ZNF300: variants seen among roughly 807,000 people sequenced by gnomAD.
ZNF300 encodes zinc finger protein 300, also known as kruppel-like zinc finger protein.
Under a neutral mutation model 13.9 loss-of-function variants are expected in ZNF300, and 6 were observed. The observed-to-expected ratio is 0.43, with a 90% CI of 0.24 to 0.85. The LOEUF (loss-of-function observed/expected upper bound fraction) is 0.85. Ranked by LOEUF, ZNF300 falls within the 40% of genes least tolerant of loss-of-function variation. The probability of loss-of-function intolerance (pLI) is 0.25; values close to 1 mark genes in which losing one functional copy is unlikely to be tolerated. For synonymous variants in ZNF300, 237 were observed against 242.2 expected (o/e 0.98, Z 0.20); for missense variants, 662 against 714.2 (o/e 0.93, Z 0.83).
Position 150,895,582 on chromosome 5 carries a change from C to T in ZNF300, c.1657G>A (p.Glu553Lys), listed in dbSNP as rs942904034. 3 of 1,613,414 alleles carry T rather than the reference C, an allele frequency of 1.9e-6. No homozygotes were observed. The highest frequency in any genetic ancestry group is 3.3e-5 in the Admixed American group (2 of 59,814). ...TTCTGAGAAAAGGCCTTTCCACATT[C>T]AGCACATATGTAAGGTTTCTCTCCT... ...HTGEKPYICA[E>K]CGKAFSQKSD... Residue 553 changes from glutamate (E) to lysine (K), a missense_variant, in exon 6 of 6, where the codon GAA becomes AAA. Physicochemically the swap from Glu to Lys is moderately conservative, Grantham distance 56. Transcript: ENST00000274599.
chr5:150,902,346 TGAGA>T (rs1755020492), intron 3 of ZNF300, among the ~76,000 whole-genome samples: 1 of 152,202 alleles, frequency 6.6e-6, no homozygotes, highest in Non-Finnish European at 1.5e-5. Context: ...ATGGCTTTTT[TGAGA>T]GAAATACATA....
intron 3 of ZNF300, among the ~76,000 whole-genome samples, chr5:150,899,971 C>G (rs1474875123): frequency 6.6e-6 from 1 of 152,064 alleles, no homozygotes; most frequent in African/African-American, 2.4e-5. Context: ...TCAGTCATCT[C>G]AAATCTCAAG....
Position 150,896,012 on chromosome 5 carries a change from A to G in ZNF300, c.1227T>C (p.Tyr409=). 2 of 1,613,476 alleles carry G rather than the reference A, an allele frequency of 1.2e-6. No individual in the cohort carries two copies. The highest frequency in any genetic ancestry group is 1.7e-6 in the Non-Finnish European group (2 of 1,179,762). Residue 409 remains tyrosine, a synonymous_variant, in exon 6 of 6, where the codon TAT becomes TAC. Transcript: ENST00000274599. ...HHRAHTGEKP[Y]ECTECGKAFC... ...AGGCTTTCCCACATTCGGTACACTC[A>G]TACGGCTTCTCTCCAGTATGAGCTC...
At chr5:150,897,804 T>C (rs1754847287) in intron 5 of ZNF300, 2 of 414,762 alleles carry the variant, frequency 4.8e-6, no homozygotes, top group Non-Finnish European at 4.2e-6. Flanking sequence ...AAAGCACAGC[T>C]TGTGTTCTTG....
intron 3 of ZNF300, among the ~76,000 whole-genome samples, chr5:150,899,088 AAG>A (rs920744757): frequency 1.3e-5 from 2 of 152,070 alleles, no homozygotes; most frequent in African/African-American, 4.8e-5. Flanking sequence ...AAAGAGAAAA[AAG>A]AAGATAGTTA....
rs763622160 is a variant in ZNF300, at chr5:150,896,651, T to A, written c.588A>T (p.Pro196=). 1.9e-6 allele frequency: 3 copies of A among 1,613,546 alleles called. No individual in the cohort carries two copies. The highest frequency in any genetic ancestry group is 2.5e-6 in the Non-Finnish European group (3 of 1,179,776). ...KYDAFKKNLK[P]NIDLPSCYKS... ...TATAACAACTCGGTAGGTCAATATT[T>A]GGTTTTAAGTTCTTTTTAAAAGCAT... is the stretch of plus-strand genomic sequence containing the variant. The change falls in exon 6 of 6, where the codon CCA becomes CCT. Residue 196 remains proline (P), a synonymous_variant. Coordinates refer to ENST00000274599, the MANE Select transcript of ZNF300 (RefSeq NM_052860.4).
chr5:150,896,007 CACTCATACG>C lies in ZNF300; in HGVS notation c.1223_1231del (p.Pro408_Cys411delinsArg). On this transcript the variant is annotated inframe_deletion, in exon 6 of 6. Transcript: ENST00000274599. ...ACAGAAGGCTTTCCCACATTCGGTA[CACTCATACG>C]GCTTCTCTCCAGTATGAGCTCTGTG... is the stretch of plus-strand genomic sequence containing the variant. 1 of 1,613,496 alleles carries C rather than the reference CACTCATACG, an allele frequency of 6.2e-7. No individual in the cohort carries two copies. Among genetic ancestry groups the C allele is most frequent in the Non-Finnish European group, 8.5e-7 (1 of 1,179,768 alleles).
Position 150,896,842 on chromosome 5 carries a change from G to A in ZNF300, c.397C>T (p.Gln133Ter). The A allele has an allele frequency of 6.2e-7, 1 of 1,613,700 alleles. No individual in the cohort carries two copies. Among genetic ancestry groups the A allele is most frequent in the Non-Finnish European group, 8.5e-7 (1 of 1,179,748 alleles). ...TGATTCTCTAGAAATCTCTGCAGCT[G>A]ACCATCACCTTGACAGACTTTTAAA... is the stretch of plus-strand genomic sequence containing the variant. ...SILKVCQGDG[Q>*]LQRFLENQDK... Residue 133 changes from glutamine to a stop codon, truncating the protein, a stop_gained, in exon 6 of 6, where the codon CAG (glutamine) becomes TAG (stop). Coordinates refer to ENST00000274599, the MANE Select transcript of ZNF300 (RefSeq NM_052860.4). LOFTEE classifies it low-confidence loss of function (END_TRUNC).
Position 150,898,046 on chromosome 5 carries a change from T to C in ZNF300, c.265+16A>G, listed in dbSNP as rs1277100174. 6.2e-7 allele frequency: 1 copy of C among 1,604,320 alleles called. No homozygotes were observed. Among genetic ancestry groups the C allele is most frequent in the South Asian group, 1.1e-5 (1 of 89,010 alleles). The stretch of plus-strand genomic sequence containing the variant: ...CACCAATCAATTAAAAAAACATAAA[T>C]TGATATTTCACTTCCCTTGTCTCCC... On this transcript the variant is annotated intron_variant, in intron 5 of 5. Coordinates refer to ENST00000274599, the MANE Select transcript of ZNF300 (RefSeq NM_052860.4).
Position 150,896,577 on chromosome 5 carries a change from G to C in ZNF300, c.662C>G (p.Ser221Ter), listed in dbSNP as rs748302675. 2.5e-6 allele frequency: 4 copies of C among 1,613,664 alleles called. No individual in the cohort carries two copies. The South Asian group carries it at 4.4e-5, about 18-fold the overall frequency. The change falls in exon 6 of 6, where the codon TCA becomes TGA. Residue 221 changes from serine to a stop codon, truncating the protein, a stop_gained. Coordinates refer to ENST00000274599, the MANE Select transcript of ZNF300 (RefSeq NM_052860.4). LOFTEE classifies it low-confidence loss of function (END_TRUNC). ...KPDQSFGGGK[S>*]SSQSEPNSNL... ...AGAATTGGGCTCACTCTGGCTAGAT[G>C]ATTTTCCACCTCCAAAACTCTGATC...
intron 3 of ZNF300, among the ~76,000 whole-genome samples, chr5:150,901,860 GAT>G (rs1048662529): frequency 1.3e-5 from 2 of 152,044 alleles, no homozygotes; most frequent in African/African-American, 4.8e-5. Context: ...TATGGAAAAA[GAT>G]ATTCTAAGTG....
At chr5:150,903,312 GGTT>G (rs774729959) in intron 2 of ZNF300, 130 bp from the exon 3 acceptor site, 2 of 1,573,392 alleles carry the variant, frequency 1.3e-6, no homozygotes, top group South Asian at 2.3e-5. Flanking sequence ...TGTGGGATAA[GGTT>G]GTTTGAGCCT....
chr5:150,897,991 T>C, intron 5 of ZNF300, 71 bp downstream of exon 5: 1 of 1,528,420 alleles, frequency 6.5e-7, no homozygotes, highest in Admixed American at 2.1e-5. Flanking sequence ...AATAGGAGAT[T>C]TTGATAAGGA....
In ZNF300 at chr5:150,896,116, G is replaced by GTATT. The variant is rs1262685413; in HGVS notation, c.1119_1122dup (p.His375AsnfsTer9). The GTATT allele has an allele frequency of 6.2e-7, 1 of 1,613,230 alleles. No individual in the cohort carries two copies. Among genetic ancestry groups the GTATT allele is most frequent in the Non-Finnish European group, 8.5e-7 (1 of 1,179,726 alleles). ...CATTCATAGGGTTTTTCCCCAGTAT[G>GTATT]TATTCTCTGATGTATAATGAGGGGT... is the stretch of plus-strand genomic sequence containing the variant. On this transcript the variant is annotated frameshift_variant, in exon 6 of 6. Coordinates refer to ENST00000274599, the MANE Select transcript of ZNF300 (RefSeq NM_052860.4). LOFTEE classifies it low-confidence loss of function (END_TRUNC).
In ZNF300 at chr5:150,896,935, A is replaced by G. The variant is rs146644574; in HGVS notation, c.304T>C (p.Leu102=). 1.6e-3 allele frequency: 2,517 copies of G among 1,613,100 alleles called. 4 individuals carry two copies. Among genetic ancestry groups the G allele is most frequent in the Non-Finnish European group, 2.0e-3 (2,417 of 1,179,512 alleles). The part of the protein sequence containing the change: ...SNLHNSQSCI[L]GTVSFHHKIL... Reference sequence around the variant, plus strand: ...TTATGATGGAAGGAAACTGTCCCCAAAATACATGACTGGGAGTTGTGAAGG... The same window carrying G: ...TTATGATGGAAGGAAACTGTCCCCAGAATACATGACTGGGAGTTGTGAAGG... The change falls in exon 6 of 6, where the codon TTG becomes CTG. Residue 102 remains leucine (L), a synonymous_variant. Transcript: ENST00000274599.
chr5:150,897,412 A>G (rs573166363), intron 5 of ZNF300: 1 of 156,750 alleles, frequency 6.4e-6, no homozygotes, highest in East Asian at 1.9e-4. Flanking sequence ...CAACTAACAA[A>G]TAATAGAAAA....
intron 5 of ZNF300, 181 bp from the exon 6 acceptor site, chr5:150,897,154 T>TAAAC (rs1050761874): frequency 2.2e-6 from 1 of 457,298 alleles, no homozygotes; most frequent in Admixed American, 3.9e-5. Flanking sequence ...ACAAGAATGT[T>TAAAC]AAACAGAAAT....
At position 150,896,385 on chromosome 5, in the gene ZNF300, A is replaced by G. The variant is rs562298618; in HGVS notation, c.854T>C (p.Ile285Thr). 2.1e-5 allele frequency: 34 copies of G among 1,613,652 alleles called. No individual in the cohort carries two copies. The South Asian group carries it at 3.6e-4, about 17-fold the overall frequency. The stretch of plus-strand genomic sequence containing the variant: ...TCCAGTATGAATTCTTTGATGTACA[A>G]TGAGTTGTGACTTCTTAGCAAAGGC... ...GKAFAKKSQL[I>T]VHQRIHTGKK... Residue 285 changes from isoleucine (I) to threonine (T), a missense_variant, in exon 6 of 6, where the codon ATT becomes ACT. By Grantham distance (89) the Ile-to-Thr change is moderately conservative. Coordinates refer to ENST00000274599, the MANE Select transcript of ZNF300 (RefSeq NM_052860.4).
intron 3 of ZNF300, 89 bp downstream of exon 3, chr5:150,903,052 C>T (rs1755038982): frequency 7.3e-7 from 1 of 1,373,756 alleles, no homozygotes; most frequent in East Asian, 2.3e-5. Context: ...CCACCTTTTC[C>T]TTCATCCAGA....
Sources: gnomAD v4.1 joint callset for allele counts (sites outside exome capture counted in the v4.1 genomes callset) on GRCh38, gnomAD v4.1.1 for gene constraint, MANE v1.5 for transcripts, NCBI Gene and HGNC (gene_info 2026-07-23, HGNC 2026-07-21) for gene names.